BLTP3B: variants seen among roughly 807,000 people sequenced by gnomAD.
BLTP3B encodes bridge-like lipid transfer protein family member 3B.
chr12:100,070,136 T>G, the BLTP3B span: 15 of 1,557,966 alleles, frequency 9.6e-6, no homozygotes, highest in Non-Finnish European at 1.3e-5. Context: ...TTCCTTCATC[T>G]ATCTTGAGTT....
At chr12:100,134,633 C>T in the BLTP3B span, among the ~76,000 whole-genome samples, 5 of 151,034 alleles carry the variant, frequency 3.3e-5, no homozygotes, top group Non-Finnish European at 7.4e-5. Context: ...AAAAAAAAAT[C>T]GAACTTTCAT....
chr12:100,047,080 T>C, the BLTP3B span, among the ~76,000 whole-genome samples: 2 of 152,210 alleles, frequency 1.3e-5, no homozygotes, highest in African/African-American at 2.4e-5. Flanking sequence ...TACAATGTAC[T>C]GAAGGTGTCC....
chr12:100,058,008 A>T, the BLTP3B span: 17 of 1,536,860 alleles, frequency 1.1e-5, no homozygotes, highest in South Asian at 1.7e-4. Flanking sequence ...ATTTTTAAAA[A>T]GGCCAATAAA....
the BLTP3B span, among the ~76,000 whole-genome samples, chr12:100,089,530 A>G: frequency 6.6e-6 from 1 of 152,232 alleles, no homozygotes; most frequent in Admixed American, 6.5e-5. Context: ...ACTGCACTCC[A>G]GCCTGGGTAA....
chr12:100,088,924 T>C, the BLTP3B span: 3 of 1,554,806 alleles, frequency 1.9e-6, no homozygotes, highest in Non-Finnish European at 2.6e-6. Flanking sequence ...CCTTTTTCTT[T>C]AGCATGAATG....
the BLTP3B span, chr12:100,092,875 T>G: frequency 1.0e-6 from 1 of 983,798 alleles, no homozygotes. Context: ...TCCTTATACT[T>G]TTTCAGCTTC....
the BLTP3B span, chr12:100,128,819 G>T: frequency 1.9e-6 from 2 of 1,073,542 alleles, no homozygotes; most frequent in Non-Finnish European, 2.3e-6. Flanking sequence ...TAGCTGTGGT[G>T]CCCTTTGGAA....
chr12:100,071,560 T>C, the BLTP3B span, among the ~76,000 whole-genome samples: 3 of 149,552 alleles, frequency 2.0e-5, no homozygotes, highest in Non-Finnish European at 3.0e-5. Flanking sequence ...AGAGTTTTAA[T>C]ATTCAAAGAA....
At chr12:100,130,340 GT>G in the BLTP3B span, among the ~76,000 whole-genome samples, 1 of 152,048 alleles carries the variant, frequency 6.6e-6, no homozygotes, top group Non-Finnish European at 1.5e-5. Context: ...GTTGCATAGC[GT>G]TTTGCTTGTG....
chr12:100,109,439 A>C, the BLTP3B span, among the ~76,000 whole-genome samples: 1 of 152,138 alleles, frequency 6.6e-6, no homozygotes. Context: ...TTTTAAAGTA[A>C]TTGTGTAACT....
the BLTP3B span, chr12:100,058,221 A>G: frequency 3.1e-6 from 5 of 1,612,598 alleles, no homozygotes; most frequent in Non-Finnish European, 4.2e-6. Context: ...AAATGAAAGT[A>G]TATTCGAATC....
chr12:100,037,497 G>T, the BLTP3B span: 5 of 1,504,842 alleles, frequency 3.3e-6, no homozygotes, highest in Non-Finnish European at 4.4e-6. Context: ...CTTTGAAATA[G>T]TCACCACTTC....
the BLTP3B span, among the ~76,000 whole-genome samples, chr12:100,081,950 T>C: frequency 6.6e-6 from 1 of 152,204 alleles, no homozygotes; most frequent in Non-Finnish European, 1.5e-5. Flanking sequence ...GCTGGGTCAA[T>C]TGGTAGTTCT....
chr12:100,109,086 G>T, the BLTP3B span, among the ~76,000 whole-genome samples: 1 of 151,820 alleles, frequency 6.6e-6, no homozygotes, highest in Non-Finnish European at 1.5e-5. Flanking sequence ...CTGGATCATG[G>T]GGGTAGTTTC....
At chr12:100,106,546 A>G in the BLTP3B span, among the ~76,000 whole-genome samples, 1 of 152,212 alleles carries the variant, frequency 6.6e-6, no homozygotes, top group Non-Finnish European at 1.5e-5. Flanking sequence ...TGTGAGGTGA[A>G]CTATGGGTAT....
At chr12:100,102,723 G>C in the BLTP3B span, 27 of 629,564 alleles carry the variant, frequency 4.3e-5, no homozygotes, top group South Asian at 4.7e-4. Context: ...TTTTTTTAAT[G>C]TCCTGTTATT....
the BLTP3B span, among the ~76,000 whole-genome samples, chr12:100,068,059 GAAC>G: frequency 6.6e-6 from 1 of 152,014 alleles, no homozygotes; most frequent in Non-Finnish European, 1.5e-5. Flanking sequence ...TAAGCAAAAA[GAAC>G]AAAACTGGAG....
At chr12:100,073,958 ACAAGACAAGGATGCCCC>A in the BLTP3B span, among the ~76,000 whole-genome samples, 1 of 152,198 alleles carries the variant, frequency 6.6e-6, no homozygotes, top group Non-Finnish European at 1.5e-5. Context: ...AAGGAATGGA[ACAAGACAAGGATGCCCC>A]CTCTCACAAC....
At chr12:100,102,926 A>G in the BLTP3B span, 1 of 975,878 alleles carries the variant, frequency 1.0e-6, no homozygotes, top group Non-Finnish European at 1.4e-6. Flanking sequence ...GTATTATTTA[A>G]GATTATTTTC....
Sources: allele counts gnomAD v4.1 joint callset (sites outside exome capture counted in the v4.1 genomes callset), GRCh38; gene constraint gnomAD v4.1.1; transcripts MANE v1.5; gene names NCBI Gene and HGNC (gene_info 2026-07-23, HGNC 2026-07-21).